CASK: variants seen among roughly 807,000 people sequenced by gnomAD.
CASK encodes calcium/calmodulin dependent serine protein kinase, also known as peripheral plasma membrane protein CASK.
In CASK, 4 loss-of-function variants were observed where a neutral mutation model predicts 82.9. The observed-to-expected ratio is 0.05, with a 90% confidence interval of 0.02 to 0.11. The LOEUF is 0.11. Ranked by LOEUF, CASK falls within the 10% of genes least tolerant of loss-of-function variation. The pLI, the probability that CASK is intolerant of heterozygous loss-of-function variation, is 1.00. For missense variants in CASK, 358 were observed against 720.9 expected (o/e 0.50, Z 5.76); for synonymous variants, 259 against 253.5 (o/e 1.02, Z -0.20).
At chrX:41,753,136 T>C (rs191443719) in intron 3 of CASK, among the ~76,000 whole-genome samples, 15 of 112,422 alleles carry the variant, frequency 1.3e-4, no homozygotes, top group African/African-American at 3.2e-4. Context: ...TGTATAAACA[T>C]ATATATGCAT....
At position 41,658,502 on chromosome X, in the gene CASK, C is replaced by T. The variant is rs779587043; in HGVS notation, c.831+1937G>A. Among the ~76,000 whole-genome samples, 5 of 112,257 alleles carry T rather than the reference C, an allele frequency of 4.5e-5. No homozygotes were observed. The South Asian group carries it at 1.1e-3, about 25-fold the overall frequency. ...TTGTTGGTGGGAAGAAATCTCCACA[C>T]TTCTGGTCACAGAAGTCTTCTGTAT... On this transcript the variant is annotated intron_variant, in intron 8 of 26. Coordinates refer to ENST00000378163, the MANE Select transcript of CASK (RefSeq NM_001367721.1).
At chrX:41,715,441 G>A (rs944016450) in intron 5 of CASK, among the ~76,000 whole-genome samples, 11 of 110,853 alleles carry the variant, frequency 9.9e-5, no homozygotes, top group Admixed American at 4.8e-4. Context: ...CCGACATGGC[G>A]AAACCCCGTC....
At chrX:41,702,435 T>G (rs768542396) in intron 5 of CASK, among the ~76,000 whole-genome samples, 21 of 109,463 alleles carry the variant, frequency 1.9e-4, no homozygotes, top group African/African-American at 7.0e-4. Flanking sequence ...AAACATAAAT[T>G]GCCATTAATA....
intron 8 of CASK, among the ~76,000 whole-genome samples, chrX:41,649,641 T>C (rs1187056615): frequency 8.9e-6 from 1 of 111,959 alleles, no homozygotes; most frequent in African/African-American, 3.2e-5. Flanking sequence ...TTTCTGTTCT[T>C]TTACATTTGC....
intron 2 of CASK, among the ~76,000 whole-genome samples, chrX:41,810,257 C>T (rs907267174): frequency 1.1e-4 from 12 of 111,544 alleles, no homozygotes; most frequent in Non-Finnish European, 1.5e-4. Flanking sequence ...AGATACTCCT[C>T]GCGAAGAGCA....
At chrX:41,691,808 T>C (rs1365994682) in intron 5 of CASK, among the ~76,000 whole-genome samples, 1 of 76,452 alleles carries the variant, frequency 1.3e-5, no homozygotes, top group African/African-American at 5.5e-5. Flanking sequence ...GCCATTGCAC[T>C]CCAGCCTGGG....
intron 26 of CASK, among the ~76,000 whole-genome samples, chrX:41,523,271 T>A (rs1026371669): frequency 4.5e-5 from 5 of 112,232 alleles, no homozygotes; most frequent in African/African-American, 1.6e-4. Flanking sequence ...AAATCCTGAA[T>A]CTTCCTTAAA....
At chrX:41,623,019 T>G (rs1184679446) in intron 10 of CASK, among the ~76,000 whole-genome samples, 2 of 109,375 alleles carry the variant, frequency 1.8e-5, no homozygotes, top group Non-Finnish European at 3.8e-5. Flanking sequence ...CCTACCCTCC[T>G]GGTAGCTAGG....
intron 1 of CASK, among the ~76,000 whole-genome samples, chrX:41,899,495 C>T (rs1195393): frequency 0.17 from 18,808 of 110,580 alleles, 1,434 homozygotes; most frequent in Middle Eastern, 0.29. Flanking sequence ...TCTCTTGTCC[C>T]TTCCTTTCTG....
chrX:41,776,051 T>C (rs754255782), intron 3 of CASK, among the ~76,000 whole-genome samples: 1 of 111,126 alleles, frequency 9.0e-6, no homozygotes, highest in African/African-American at 3.3e-5. Context: ...TAAATAAAAT[T>C]AAAATAAAAA....
At chrX:41,637,848 T>C (rs1297227804) in intron 8 of CASK, among the ~76,000 whole-genome samples, 1 of 109,731 alleles carries the variant, frequency 9.1e-6, no homozygotes, top group Non-Finnish European at 1.9e-5. Flanking sequence ...TTTGCCATGT[T>C]GCCCAGGCTG....
intron 19 of CASK, 66 bp from the exon 20 acceptor site, chrX:41,555,701 T>C (rs1216420219): frequency 1.2e-6 from 1 of 817,309 alleles, no homozygotes. Flanking sequence ...AAGTAATTTG[T>C]GTGTTCTGTT....
chrX:41,561,694 G>T, intron 16 of CASK, 50 bp from the exon 17 acceptor site: 1 of 914,575 alleles, frequency 1.1e-6, no homozygotes. Context: ...TGCTTTCATA[G>T]TAACAAAATC....
chrX:41,812,846 T>C (rs1277420505), intron 2 of CASK, among the ~76,000 whole-genome samples: 9 of 111,324 alleles, frequency 8.1e-5, no homozygotes, highest in African/African-American at 2.9e-4. Context: ...AAAACCCCAC[T>C]GTCTCAGCCC....
At chrX:41,780,103 T>C (rs559297646) in intron 3 of CASK, among the ~76,000 whole-genome samples, 1 of 111,766 alleles carries the variant, frequency 8.9e-6, no homozygotes. Context: ...ATAAGGTAAT[T>C]AAAATTCCTT....
chrX:41,718,829 CT>C (rs770225209), intron 5 of CASK, among the ~76,000 whole-genome samples: 47 of 111,570 alleles, frequency 4.2e-4, no homozygotes, highest in Non-Finnish European at 7.1e-4. Context: ...AATTCCCGGG[CT>C]TCCTTCTGAA....
At chrX:41,800,006 C>G (rs1479904808) in intron 2 of CASK, among the ~76,000 whole-genome samples, 1 of 108,848 alleles carries the variant, frequency 9.2e-6, no homozygotes, top group African/African-American at 3.4e-5. Context: ...CATTTCTCTC[C>G]CCTGAACTCC....
At chrX:41,776,515 G>T (rs769570966) in intron 3 of CASK, among the ~76,000 whole-genome samples, 2 of 112,380 alleles carry the variant, frequency 1.8e-5, no homozygotes, top group African/African-American at 6.4e-5. Context: ...GTTGGAAAGG[G>T]CAAATCAAAT....
At chrX:41,625,710 T>C (rs2066357894) in intron 10 of CASK, among the ~76,000 whole-genome samples, 2 of 111,451 alleles carry the variant, frequency 1.8e-5, no homozygotes, top group South Asian at 7.5e-4. Context: ...GGTACTTATA[T>C]ACAGTTCATC....
Sources: allele counts gnomAD v4.1 joint callset (sites outside exome capture counted in the v4.1 genomes callset), GRCh38; gene constraint gnomAD v4.1.1; transcripts MANE v1.5; gene names NCBI Gene and HGNC (gene_info 2026-07-23, HGNC 2026-07-21).